The following INTU variants were observed in gnomAD, a reference collection of about 807,000 sequenced individuals.
INTU encodes the protein protein inturned.
A neutral mutation model predicts 100.5 loss-of-function variants in INTU; 68 were observed. The ratio of observed to expected loss-of-function variants is 0.68; its 90% CI spans 0.56 to 0.83. The LOEUF is 0.83. INTU is among the 40% of genes least tolerant of loss of function. The pLI is 0.00. For synonymous variants in INTU, 357 were observed against 395.7 expected, an observed-to-expected ratio of 0.90 and a Z score of 1.16; for missense variants, 1,071 against 1,114.7, an observed-to-expected ratio of 0.96 and a Z score of 0.56.
In INTU at chr4:127,645,844, G is replaced by A. The variant is rs187298802; in HGVS notation, c.682+1788G>A. 5.3e-3 allele frequency among the ~76,000 whole-genome samples: 802 copies of A among 152,130 alleles called. 11 individuals are homozygous for A. Among genetic ancestry groups the A allele is most frequent in the African/African-American group, 0.018 (766 of 41,552 alleles). ...CTCACAAAGTGCTGGGATTACAGGC[G>A]TGAGCCACCGTGCCTGGCCAACTGT... is the stretch of plus-strand genomic sequence containing the variant. On this transcript the variant is annotated intron_variant, in intron 2 of 15. Coordinates refer to ENST00000335251, the MANE Select transcript of INTU (RefSeq NM_015693.4).
intron 1 of INTU, among the ~76,000 whole-genome samples, chr4:127,642,294 A>G (rs1282607637): frequency 1.3e-5 from 2 of 152,234 alleles, no homozygotes; most frequent in Admixed American, 6.5e-5. Context: ...GGAACCAACA[A>G]GTCCCAAAGA....
chr4:127,713,864 T>C, intron 14 of INTU, 72 bp from the exon 15 acceptor site: 2 of 1,108,310 alleles, frequency 1.8e-6, no homozygotes, highest in South Asian at 3.6e-5. Flanking sequence ...CCAATTCAGA[T>C]TACTCTGTGA....
intron 3 of INTU, among the ~76,000 whole-genome samples, chr4:127,663,146 T>G (rs1318494966): frequency 6.6e-6 from 1 of 152,188 alleles, no homozygotes; most frequent in Non-Finnish European, 1.5e-5. Context: ...ATACAGAACA[T>G]TATAATTCTT....
rs772682120 is a variant in INTU at position 127,684,491 on chromosome 4, G to T, written c.1259+5G>T. On this transcript the variant is annotated splice_donor_5th_base_variant and intron_variant, in intron 7 of 15. Transcript: ENST00000335251. The stretch of plus-strand genomic sequence containing the variant: ...TATGTATGGTTCTTTAGATAGGTAA[G>T]TACTTCTTCAAATTGAATCTCAAGT... 5.6e-6 allele frequency: 8 copies of T among 1,429,712 alleles called. No homozygotes were observed. The highest frequency in any genetic ancestry group is 7.8e-6 in the Non-Finnish European group (8 of 1,029,112). 88.6% of individuals were successfully genotyped at this position (1,429,712 alleles called of 1,614,324 possible).
At chr4:127,654,849 T>G (rs1215207006) in intron 2 of INTU, among the ~76,000 whole-genome samples, 1 of 145,346 alleles carries the variant, frequency 6.9e-6, no homozygotes, top group Non-Finnish European at 1.5e-5. Context: ...CCCCATCACT[T>G]TCAGGTACAC....
At chr4:127,684,694 C>T (rs935847828) in intron 7 of INTU, among the ~76,000 whole-genome samples, 4 of 151,390 alleles carry the variant, frequency 2.6e-5, no homozygotes, top group Admixed American at 2.0e-4. Context: ...CTTATTCCTC[C>T]ACCTCCTTCT....
At chr4:127,698,228 C>T (rs1293194973) in intron 8 of INTU, among the ~76,000 whole-genome samples, 6 of 151,932 alleles carry the variant, frequency 3.9e-5, no homozygotes, top group Admixed American at 2.6e-4. Flanking sequence ...TTTGGGAGGC[C>T]GAGGTGGGAG....
intron 3 of INTU, among the ~76,000 whole-genome samples, chr4:127,660,913 T>C (rs1265840548): frequency 6.6e-6 from 1 of 152,230 alleles, no homozygotes; most frequent in Non-Finnish European, 1.5e-5. Flanking sequence ...TTTATGTATA[T>C]CAACCTATTT....
At chr4:127,671,040 G>T (rs1475903134) in intron 5 of INTU, among the ~76,000 whole-genome samples, 1 of 152,032 alleles carries the variant, frequency 6.6e-6, no homozygotes, top group African/African-American at 2.4e-5. Flanking sequence ...CACTCTTCTG[G>T]ACTTTGACCT....
intron 3 of INTU, among the ~76,000 whole-genome samples, chr4:127,657,697 T>G (rs1337330072): frequency 6.6e-6 from 1 of 151,670 alleles, no homozygotes; most frequent in Non-Finnish European, 1.5e-5. Flanking sequence ...GGTTGTATGC[T>G]CCTTATGAGA....
At chr4:127,674,090 A>T in intron 5 of INTU, 34 bp from the exon 6 acceptor site, 1 of 1,405,784 alleles carries the variant, frequency 7.1e-7, no homozygotes, top group Non-Finnish European at 1.0e-6. Context: ...ATTTAAAGGT[A>T]TTCTAACCTT....
chr4:127,675,533 A>G (rs191732837), intron 6 of INTU, among the ~76,000 whole-genome samples: 1 of 152,366 alleles, frequency 6.6e-6, no homozygotes, highest in Non-Finnish European at 1.5e-5. Context: ...ATTTATTAAC[A>G]CAAAGGTGTT....
At position 127,656,218 on chromosome 4, in the gene INTU, T is replaced by G. The variant is rs529122889; in HGVS notation, c.683-418T>G. ...CACACTGGGAGCTGTAGACGGGAGC[T>G]GTTCCTATTTGGCCATCTTGGCTCC... On this transcript the variant is annotated intron_variant, in intron 2 of 15. Transcript: ENST00000335251. Among the ~76,000 whole-genome samples, 23 of 152,308 alleles carry G rather than the reference T, an allele frequency of 1.5e-4. No homozygotes were observed. The East Asian group carries it at 4.4e-3, about 29-fold the overall frequency.
rs974381966 is a variant in INTU at position 127,721,550 on chromosome 4, T to C, written c.*5114T>C. On this transcript the variant is annotated 3_prime_UTR_variant, in exon 16 of 16. Transcript: ENST00000335251. ...GTTGGGGAAGTTTTCCTGGATGATATCCAGAAGTGTGTTTTCCAACTTGGT... is the reference window on the plus strand; with the variant it reads ...GTTGGGGAAGTTTTCCTGGATGATACCCAGAAGTGTGTTTTCCAACTTGGT... 12 of 152,234 alleles carry C rather than the reference T, an allele frequency of 7.9e-5. No individual in the cohort carries two copies. Among genetic ancestry groups the C allele is most frequent in the Admixed American group, 7.9e-4 (12 of 15,276 alleles). 9.4% of individuals were successfully genotyped at this position (152,234 alleles called of 1,614,324 possible).
chr4:127,708,210 A>G (rs1278767351), intron 12 of INTU, among the ~76,000 whole-genome samples: 3 of 152,220 alleles, frequency 2.0e-5, no homozygotes, highest in African/African-American at 7.2e-5. Flanking sequence ...GGTTGATTGA[A>G]TACCTACTAA....
intron 3 of INTU, among the ~76,000 whole-genome samples, chr4:127,662,061 G>A (rs1030448515): frequency 7.9e-5 from 12 of 151,958 alleles, no homozygotes; most frequent in African/African-American, 2.9e-4. Context: ...ATTTTTTCAT[G>A]TTTGTTGACC....
chr4:127,670,894 A>C (rs1418259465), intron 5 of INTU, among the ~76,000 whole-genome samples: 1 of 152,068 alleles, frequency 6.6e-6, no homozygotes, highest in Non-Finnish European at 1.5e-5. Context: ...TGGTGCTGGG[A>C]AAGTTGGATA....
chr4:127,668,992 T>C (rs766744518), intron 4 of INTU, 44 bp from the exon 5 acceptor site: 1 of 867,124 alleles, frequency 1.2e-6, no homozygotes, highest in Non-Finnish European at 1.8e-6. Flanking sequence ...ACAAAGATAA[T>C]GGTTGGAAAA....
intron 8 of INTU, among the ~76,000 whole-genome samples, chr4:127,689,349 A>T (rs186302264): frequency 6.6e-6 from 1 of 152,106 alleles, no homozygotes; most frequent in Non-Finnish European, 1.5e-5. Flanking sequence ...TAATATTTTC[A>T]TAAGAATATA....
Sources: gnomAD v4.1 joint callset for allele counts (sites outside exome capture counted in the v4.1 genomes callset) on GRCh38, gnomAD v4.1.1 for gene constraint, MANE v1.5 for transcripts, NCBI Gene and HGNC (gene_info 2026-07-23, HGNC 2026-07-21) for gene names.